Variants in CCDC91 observed in about 807,000 individuals in gnomAD.
CCDC91 encodes the protein coiled-coil domain containing 91, also known as coiled-coil domain-containing protein 91.
In CCDC91, 48 loss-of-function variants were observed where a neutral mutation model predicts 63.2. The observed-to-expected ratio is 0.76, with a 90% CI of 0.60 to 0.97. CCDC91 has a LOEUF of 0.97. Ranked by LOEUF, CCDC91 falls within the 50% of genes least tolerant of loss-of-function variation. CCDC91 has a pLI of 0.00. For missense variants in CCDC91, 500 were observed against 494.6 expected, an observed-to-expected ratio of 1.01 and a Z score of -0.10; for synonymous variants, 167 against 165.8, an observed-to-expected ratio of 1.01 and a Z score of -0.06.
chr12:28,459,551 T>C (rs1950208731), intron 11 of CCDC91, among the ~76,000 whole-genome samples: 1 of 152,180 alleles, frequency 6.6e-6, no homozygotes, highest in African/African-American at 2.4e-5. Flanking sequence ...TATTATCCCC[T>C]TTTTAAAGAA....
At chr12:28,479,167 T>A (rs1240211244) in intron 11 of CCDC91, among the ~76,000 whole-genome samples, 3 of 152,186 alleles carry the variant, frequency 2.0e-5, no homozygotes, top group African/African-American at 7.2e-5. Flanking sequence ...TGCACATGTA[T>A]GTTTTTGGTG....
chr12:28,310,140 G>A (rs1223150542), intron 6 of CCDC91, among the ~76,000 whole-genome samples: 1 of 151,940 alleles, frequency 6.6e-6, no homozygotes, highest in Non-Finnish European at 1.5e-5. Flanking sequence ...CCTCATCCTT[G>A]GAACTATGGT....
At chr12:28,533,573 A>T (rs1321168267) in intron 12 of CCDC91, among the ~76,000 whole-genome samples, 1 of 152,108 alleles carries the variant, frequency 6.6e-6, no homozygotes, top group East Asian at 1.9e-4. Flanking sequence ...ACTATTTGAT[A>T]AAAAATATAT....
intron 8 of CCDC91, among the ~76,000 whole-genome samples, chr12:28,408,235 T>G (rs1382732680): frequency 6.6e-6 from 1 of 152,122 alleles, no homozygotes; most frequent in Non-Finnish European, 1.5e-5. Context: ...ACATGTGGTG[T>G]TTGGTTTTCT....
intron 8 of CCDC91, among the ~76,000 whole-genome samples, chr12:28,415,304 A>G (rs995069162): frequency 6.6e-6 from 1 of 150,992 alleles, no homozygotes; most frequent in Non-Finnish European, 1.5e-5. Flanking sequence ...GCTCACTGCA[A>G]CCTCCACCTC....
rs543762980 is a variant in CCDC91, at chr12:28,416,560, G to A, written c.762+25149G>A. Among the ~76,000 whole-genome samples the A allele has an allele frequency of 1.2e-4, 18 of 152,186 alleles. No individual in the cohort carries two copies. The Middle Eastern group carries it at 0.014, about 115-fold the overall frequency. ...GAAAATTACTGAAAGGATACATCAA[G>A]GATAGGGGGAATTGTTGCTAAACTG... On this transcript the variant is annotated intron_variant, in intron 8 of 12. Coordinates refer to ENST00000536442, the MANE Select transcript of CCDC91 (RefSeq NM_018318.5).
chr12:28,257,187 T>A lies in CCDC91; in HGVS notation c.-14-15T>A. 1 of 1,580,678 alleles carries A rather than the reference T, an allele frequency of 6.3e-7. No individual in the cohort carries two copies. The highest frequency in any genetic ancestry group is 2.2e-5 in the East Asian group (1 of 44,582). ...GTGTGTGTGCGGGCTTGTTTCAATA[T>A]CTTATATTTTTCAGGTGCCACTTGA... On this transcript the variant is annotated splice_polypyrimidine_tract_variant and intron_variant, in intron 1 of 12. Transcript: ENST00000536442.
chr12:28,536,063 A>G (rs1942152190), intron 12 of CCDC91, among the ~76,000 whole-genome samples: 1 of 152,040 alleles, frequency 6.6e-6, no homozygotes, highest in Non-Finnish European at 1.5e-5. Context: ...TGGGAAATGG[A>G]AAGTTTTATC....
intron 6 of CCDC91, among the ~76,000 whole-genome samples, chr12:28,331,117 GT>G (rs1232421305): frequency 9.6e-4 from 146 of 152,252 alleles, no homozygotes; most frequent in African/African-American, 3.4e-3. Context: ...GCTTCTAAAT[GT>G]ATTAAAAAGA....
intron 6 of CCDC91, among the ~76,000 whole-genome samples, chr12:28,308,960 T>G (rs1184759728): frequency 1.3e-5 from 2 of 151,948 alleles, no homozygotes; most frequent in Non-Finnish European, 2.9e-5. Context: ...CCTATTTTCA[T>G]TCCAATATAC....
At chr12:28,213,126 G>A (rs1300541402) in intron 1 of CCDC91, among the ~76,000 whole-genome samples, 1 of 152,126 alleles carries the variant, frequency 6.6e-6, no homozygotes, top group Non-Finnish European at 1.5e-5. Flanking sequence ...ACACCTAGTG[G>A]GAATGGCCTC....
At chr12:28,349,905 G>A (rs1565838001) in intron 6 of CCDC91, among the ~76,000 whole-genome samples, 1 of 152,080 alleles carries the variant, frequency 6.6e-6, no homozygotes, top group Non-Finnish European at 1.5e-5. Flanking sequence ...TACAAATTAA[G>A]CAAACTTTCA....
intron 12 of CCDC91, among the ~76,000 whole-genome samples, chr12:28,525,766 T>TATAA (rs1204961072): frequency 6.6e-6 from 1 of 152,170 alleles, no homozygotes; most frequent in East Asian, 1.9e-4. Context: ...GTAATTGTTT[T>TATAA]ATAAATTTGG....
chr12:28,266,257 G>A (rs1375170524), intron 3 of CCDC91, among the ~76,000 whole-genome samples: 1 of 151,906 alleles, frequency 6.6e-6, no homozygotes, highest in Non-Finnish European at 1.5e-5. Flanking sequence ...ATTATAGTGT[G>A]GATTAGAGTC....
intron 3 of CCDC91, among the ~76,000 whole-genome samples, chr12:28,296,725 C>T (rs1488697589): frequency 3.3e-5 from 5 of 151,872 alleles, no homozygotes; most frequent in Non-Finnish European, 7.4e-5. Flanking sequence ...CACTGACTTT[C>T]ACCATTTTCT....
intron 12 of CCDC91, among the ~76,000 whole-genome samples, chr12:28,516,191 G>A (rs1939925829): frequency 1.3e-5 from 2 of 151,904 alleles, no homozygotes; most frequent in African/African-American, 4.8e-5. Flanking sequence ...GACTTTACCT[G>A]AAAAAGTTAA....
chr12:28,340,375 G>A (rs1942323054), intron 6 of CCDC91, among the ~76,000 whole-genome samples: 1 of 152,134 alleles, frequency 6.6e-6, no homozygotes. Flanking sequence ...GAAAACCCCA[G>A]TGTATATTCA....
rs183911379 is a variant in CCDC91, at chr12:28,331,982, T to C, written c.576+24233T>C. On this transcript the variant is annotated intron_variant, in intron 6 of 12. Transcript: ENST00000536442. ...AATTTTGTAGATGGGGGCTACAATC[T>C]TCAATCCTTCTTTAAAAGAATTGTT... Among the ~76,000 whole-genome samples, 208 of 152,310 alleles carry C rather than the reference T, an allele frequency of 1.4e-3. 1 individual carries two copies. The highest frequency in any genetic ancestry group is 2.5e-3 in the Non-Finnish European group (173 of 68,012).
intron 12 of CCDC91, among the ~76,000 whole-genome samples, chr12:28,522,761 C>G (rs1240993600): frequency 6.6e-6 from 1 of 152,158 alleles, no homozygotes; most frequent in Admixed American, 6.6e-5. Flanking sequence ...CCCAGAAATT[C>G]TGGTATGTTG....
Sources: allele counts gnomAD v4.1 joint callset (sites outside exome capture counted in the v4.1 genomes callset), GRCh38; gene constraint gnomAD v4.1.1; transcripts MANE v1.5; gene names NCBI Gene and HGNC (gene_info 2026-07-23, HGNC 2026-07-21).